Variants in MGAT4C observed in about 807,000 individuals in gnomAD.
The protein encoded by MGAT4C is MGAT4 family member C.
MGAT4C carries 19 observed loss-of-function variants against 40.1 expected under a neutral mutation model. That is an observed-to-expected ratio of 0.47 (90% CI 0.33 to 0.70). The LOEUF is 0.70. Among genes scored for constraint, MGAT4C ranks in the 30% least tolerant of loss-of-function variants. MGAT4C has a pLI of 0.02. For missense variants in MGAT4C, 491 were observed against 563.2 expected (o/e 0.87, Z 1.30); for synonymous variants, 181 against 187.1 (o/e 0.97, Z 0.27).
intron 2 of MGAT4C, among the ~76,000 whole-genome samples, chr12:86,437,600 T>C (rs572676851): frequency 6.4e-4 from 98 of 152,058 alleles, no homozygotes; most frequent in African/African-American, 2.3e-3. Flanking sequence ...TTGTACTTTG[T>C]AGATATTGCA....
chr12:86,669,434 G>C (rs1342249971), intron 2 of MGAT4C, among the ~76,000 whole-genome samples: 1 of 152,172 alleles, frequency 6.6e-6, no homozygotes, highest in Non-Finnish European at 1.5e-5. Flanking sequence ...TGTTGGTGCA[G>C]AGGGTCCCTC....
intron 1 of MGAT4C, among the ~76,000 whole-genome samples, chr12:86,160,324 T>G (rs1417268816): frequency 6.6e-6 from 1 of 152,106 alleles, no homozygotes; most frequent in Non-Finnish European, 1.5e-5. Flanking sequence ...AGCTGTTTAA[T>G]TTCCATGTAT....
At chr12:86,093,526 A>G (rs1565971834) in intron 1 of MGAT4C, among the ~76,000 whole-genome samples, 1 of 151,924 alleles carries the variant, frequency 6.6e-6, no homozygotes, top group Non-Finnish European at 1.5e-5. Context: ...CTCAGGAGTT[A>G]GAGATCAGCC....
Position 86,183,598 on chromosome 12 carries a change from T to C in MGAT4C, c.-57+72641A>G, listed in dbSNP as rs141312951. On this transcript the variant is annotated intron_variant, in intron 1 of 4. Transcript: ENST00000611864. ...AACAAGAACATCATAAATTGAGTGGTGTAAACAACAGAAATTTACTTCCCC... is the reference window on the plus strand; with the variant it reads ...AACAAGAACATCATAAATTGAGTGGCGTAAACAACAGAAATTTACTTCCCC... Among the ~76,000 whole-genome samples, 454 of 152,280 alleles carry C rather than the reference T, an allele frequency of 3.0e-3. 2 individuals are homozygous for C. Among genetic ancestry groups the C allele is most frequent in the African/African-American group, 0.01 (433 of 41,554 alleles).
At chr12:86,101,623 A>G (rs1875073913) in intron 1 of MGAT4C, among the ~76,000 whole-genome samples, 1 of 151,894 alleles carries the variant, frequency 6.6e-6, no homozygotes, top group Non-Finnish European at 1.5e-5. Flanking sequence ...CTCCTGTCAG[A>G]TTAAATCACA....
chr12:86,321,045 T>C lies in MGAT4C; in HGVS notation c.-57+13020A>G, dbSNP rs1433823299. Among the ~76,000 whole-genome samples the C allele has an allele frequency of 3.9e-5, 6 of 152,130 alleles. 1 individual carries two copies. The highest frequency in any genetic ancestry group is 3.9e-4 in the Admixed American group (6 of 15,272). On this transcript the variant is annotated intron_variant, in intron 4 of 7. Transcript: ENST00000548651. ...TTCATATTCTAAAGATGTATGGAAA[T>C]CTTTTAATAGAAAAAAACTAGATAA...
chr12:86,158,878 C>A (rs756226739), intron 1 of MGAT4C, among the ~76,000 whole-genome samples: 2 of 152,060 alleles, frequency 1.3e-5, no homozygotes, highest in Non-Finnish European at 1.5e-5. Flanking sequence ...GAATTTTGTA[C>A]CCCTATTTTG....
At chr12:86,461,565 A>G (rs1957602813) in intron 2 of MGAT4C, among the ~76,000 whole-genome samples, 1 of 152,108 alleles carries the variant, frequency 6.6e-6, no homozygotes, top group Non-Finnish European at 1.5e-5. Context: ...ACTAATAGTT[A>G]TATACATACT....
chr12:86,614,592 C>T (rs942445501), intron 2 of MGAT4C, among the ~76,000 whole-genome samples: 6 of 151,504 alleles, frequency 4.0e-5, no homozygotes, highest in Non-Finnish European at 1.5e-5. Context: ...ATTTAAATAC[C>T]ATTTTTAAGC....
chr12:86,752,589 A>G (rs1448584731), intron 1 of MGAT4C, among the ~76,000 whole-genome samples: 2 of 152,102 alleles, frequency 1.3e-5, no homozygotes, highest in Non-Finnish European at 2.9e-5. Context: ...TTTAGTGAAT[A>G]TCAATATCTT....
At chr12:86,207,656 G>A (rs1950310893) in intron 1 of MGAT4C, among the ~76,000 whole-genome samples, 1 of 152,066 alleles carries the variant, frequency 6.6e-6, no homozygotes, top group South Asian at 2.1e-4. Flanking sequence ...TCGATTATGA[G>A]TACTATAAAT....
rs546097167 is a variant in MGAT4C, at chr12:86,233,484, G to A, written c.-57+22755C>T. Reference sequence around the variant, plus strand: ...TGACAGCCTTGCTGGGTTTCAAGGAGTAGAAACTTTGATTCCTCTGAGTTA... The same window carrying A: ...TGACAGCCTTGCTGGGTTTCAAGGAATAGAAACTTTGATTCCTCTGAGTTA... On this transcript the variant is annotated intron_variant, in intron 1 of 4. Transcript: ENST00000611864. 2.0e-5 allele frequency among the ~76,000 whole-genome samples: 3 copies of A among 152,314 alleles called. No individual in the cohort carries two copies. The South Asian group carries it at 6.2e-4, about 32-fold the overall frequency.
chr12:86,216,964 T>C (rs186175597), intron 1 of MGAT4C, among the ~76,000 whole-genome samples: 14 of 152,280 alleles, frequency 9.2e-5, no homozygotes, highest in Middle Eastern at 3.4e-3. Context: ...CCAAGCTCAA[T>C]AGCTAAATAT....
rs142658012 is a variant in MGAT4C, at chr12:86,190,359, T to G, written c.-57+65880A>C. Among the ~76,000 whole-genome samples, 490 of 152,264 alleles carry G rather than the reference T, an allele frequency of 3.2e-3. 2 individuals are homozygous for G. Among genetic ancestry groups the G allele is most frequent in the African/African-American group, 0.011 (455 of 41,584 alleles). The stretch of plus-strand genomic sequence containing the variant: ...ATAATTCAACTTTTCCAGGTTTTCT[T>G]TGATAATCAAATTGGCATAATTAAA... On this transcript the variant is annotated intron_variant, in intron 1 of 4. Coordinates refer to ENST00000611864, the MANE Select transcript of MGAT4C (RefSeq NM_001351288.2).
chr12:86,432,389 G>T (rs1957058453), intron 3 of MGAT4C, among the ~76,000 whole-genome samples: 1 of 152,050 alleles, frequency 6.6e-6, no homozygotes, highest in Admixed American at 6.6e-5. Flanking sequence ...TATTGGTAGA[G>T]ATGTGTAGTA....
chr12:86,673,332 C>G (rs1964308984), intron 2 of MGAT4C, among the ~76,000 whole-genome samples: 1 of 152,150 alleles, frequency 6.6e-6, no homozygotes, highest in South Asian at 2.1e-4. Context: ...AGAATATATA[C>G]TAACACAAAG....
At chr12:86,530,140 T>C (rs1321314227) in intron 2 of MGAT4C, among the ~76,000 whole-genome samples, 1 of 152,028 alleles carries the variant, frequency 6.6e-6, no homozygotes, top group Non-Finnish European at 1.5e-5. Flanking sequence ...AGCTGTCTAT[T>C]AAAATTTATT....
At chr12:86,603,699 T>A (rs1333583712) in intron 2 of MGAT4C, among the ~76,000 whole-genome samples, 2 of 131,022 alleles carry the variant, frequency 1.5e-5, no homozygotes, top group African/African-American at 5.7e-5. Flanking sequence ...AGACTATATA[T>A]TATCTATAGT....
intron 1 of MGAT4C, among the ~76,000 whole-genome samples, chr12:86,115,284 A>G (rs563979272): frequency 6.6e-6 from 1 of 152,130 alleles, no homozygotes; most frequent in Non-Finnish European, 1.5e-5. Context: ...GTTCACTGAG[A>G]TTAAGAACAA....
Sources: allele counts gnomAD v4.1 joint callset (sites outside exome capture counted in the v4.1 genomes callset), GRCh38; gene constraint gnomAD v4.1.1; transcripts MANE v1.5; gene names NCBI Gene and HGNC (gene_info 2026-07-23, HGNC 2026-07-21).